Variants in CYP20A1 observed in about 807,000 individuals in gnomAD.
CYP20A1 encodes cytochrome P450 20A1.
A neutral mutation model predicts 61.4 loss-of-function variants in CYP20A1; 61 were observed. The ratio of observed to expected loss-of-function variants is 0.99; its 90% CI spans 0.81 to 1.23. The LOEUF (loss-of-function observed/expected upper bound fraction) is 1.23. Among genes scored for constraint, CYP20A1 ranks in the 50% most tolerant of loss-of-function variants. CYP20A1 has a pLI of 0.00. For missense variants in CYP20A1, 530 were observed against 542.4 expected, an observed-to-expected ratio of 0.98 and a Z score of 0.23; for synonymous variants, 193 against 188.2, an observed-to-expected ratio of 1.03 and a Z score of -0.21.
intron 6 of CYP20A1, among the ~76,000 whole-genome samples, chr2:203,274,160 T>C (rs903872833): frequency 2.6e-5 from 4 of 151,270 alleles, no homozygotes; most frequent in Admixed American, 2.0e-4. Flanking sequence ...TGAATAATTA[T>C]AAAGCTTTAA....
intron 5 of CYP20A1, among the ~76,000 whole-genome samples, chr2:203,270,978 C>G (rs551964363): frequency 1.4e-5 from 2 of 140,088 alleles, no homozygotes; most frequent in Non-Finnish European, 3.0e-5. Context: ...TGGGTGTGAG[C>G]CACTCCACTC....
chr2:203,244,890 G>A (rs1436316131), intron 1 of CYP20A1, among the ~76,000 whole-genome samples: 1 of 151,720 alleles, frequency 6.6e-6, no homozygotes, highest in African/African-American at 2.4e-5. Flanking sequence ...CCGCCACAAC[G>A]CCCTGCTAAT....
At chr2:203,274,182 A>T (rs1038973251) in intron 6 of CYP20A1, among the ~76,000 whole-genome samples, 19 of 151,404 alleles carry the variant, frequency 1.3e-4, no homozygotes, top group African/African-American at 3.2e-4. Flanking sequence ...ACTTTTTTTT[A>T]AAATAATTTT....
rs1268790496 is a variant in CYP20A1 at position 203,266,647 on chromosome 2, AG to A, written c.568del (p.Glu190LysfsTer21). ...ATGGGTAGTACATTTGAAGATGATC[AG>A]GAAGTCATTCGCTTCCAGAAGAATC... The part of the protein sequence containing the change: ...MVMGSTFEDD[Q>X]EVIRFQKNHG... On this transcript the variant is annotated frameshift_variant, in exon 5 of 13. Transcript: ENST00000356079. LOFTEE classifies it high-confidence loss of function. 6.2e-7 allele frequency: 1 copy of A among 1,613,932 alleles called. No homozygotes were observed. The highest frequency in any genetic ancestry group is 8.5e-7 in the Non-Finnish European group (1 of 1,179,954).
chr2:203,242,818 G>T (rs1331382636), intron 1 of CYP20A1, among the ~76,000 whole-genome samples: 1 of 151,828 alleles, frequency 6.6e-6, no homozygotes, highest in Non-Finnish European at 1.5e-5. Context: ...AGGTTGCATG[G>T]TCTGTTACTA....
At chr2:203,250,718 G>T (rs1440132341) in intron 3 of CYP20A1, among the ~76,000 whole-genome samples, 4 of 152,182 alleles carry the variant, frequency 2.6e-5, no homozygotes, top group Non-Finnish European at 4.4e-5. Flanking sequence ...AGAGGAGAAT[G>T]TAGTTCTTTG....
chr2:203,252,235 G>A, intron 4 of CYP20A1, 126 bp downstream of exon 4: 1 of 691,726 alleles, frequency 1.4e-6, no homozygotes, highest in Non-Finnish European at 2.1e-6. Flanking sequence ...ATTTTATTCT[G>A]AAATTAAAAA....
chr2:203,258,334 G>A (rs2067000700), intron 4 of CYP20A1, among the ~76,000 whole-genome samples: 1 of 151,182 alleles, frequency 6.6e-6, no homozygotes, highest in Non-Finnish European at 1.5e-5. Context: ...TGATAATTGT[G>A]CCTGTGAATA....
At chr2:203,271,337 C>T (rs2067590804) in intron 5 of CYP20A1, among the ~76,000 whole-genome samples, 1 of 151,696 alleles carries the variant, frequency 6.6e-6, no homozygotes, top group Admixed American at 6.6e-5. Context: ...ATCCGCCTGC[C>T]TCGGCCTCCC....
At chr2:203,273,783 A>G (rs1171614566) in intron 6 of CYP20A1, among the ~76,000 whole-genome samples, 1 of 152,034 alleles carries the variant, frequency 6.6e-6, no homozygotes, top group Non-Finnish European at 1.5e-5. Context: ...ACCTCTACTA[A>G]AAAAATACAA....
intron 6 of CYP20A1, among the ~76,000 whole-genome samples, chr2:203,276,185 G>A (rs977211733): frequency 5.9e-5 from 9 of 152,170 alleles, no homozygotes; most frequent in African/African-American, 1.9e-4. Flanking sequence ...TGTATTTGAA[G>A]TACAACAGGA....
chr2:203,266,384 G>A (rs764805593), intron 4 of CYP20A1, 130 bp from the exon 5 acceptor site: 211 of 749,254 alleles, frequency 2.8e-4, no homozygotes, highest in Non-Finnish European at 4.2e-4. Context: ...TAGTCTGACA[G>A]ATTCGTACCT....
At chr2:203,288,077 T>C (rs1352071667) in intron 9 of CYP20A1, among the ~76,000 whole-genome samples, 1 of 144,212 alleles carries the variant, frequency 6.9e-6, no homozygotes, top group African/African-American at 2.6e-5. Flanking sequence ...TTTTTTTTTT[T>C]TTTTTTCAGA....
rs1575294298 is a variant in CYP20A1, at chr2:203,300,889, C to A, written c.*3981C>A. Among the ~76,000 whole-genome samples, 7 of 64,746 alleles carry A rather than the reference C, an allele frequency of 1.1e-4. No individual in the cohort carries two copies. The highest frequency in any genetic ancestry group is 3.2e-4 in the African/African-American group (5 of 15,474). 42.5% of individuals were successfully genotyped at this position (64,746 alleles called of 152,430 possible). A position where few individuals can be genotyped will look rare whatever the true frequency, so the allele number is the denominator to read the frequency against. On this transcript the variant is annotated 3_prime_UTR_variant, in exon 13 of 13. Coordinates refer to ENST00000356079, the MANE Select transcript of CYP20A1 (RefSeq NM_177538.3). ...GGGCAATAAGAGCAAAACTCCGTCTCAGAAAAAAAAAAAAAAAAAAAAAAC... is the reference window on the plus strand; with the variant it reads ...GGGCAATAAGAGCAAAACTCCGTCTAAGAAAAAAAAAAAAAAAAAAAAAAC...
In CYP20A1 at chr2:203,251,972, C is replaced by A; in HGVS notation, c.295C>A (p.Pro99Thr). The A allele has an allele frequency of 6.5e-7, 1 of 1,546,032 alleles. No individual in the cohort carries two copies. The highest frequency in any genetic ancestry group is 2.4e-5 in the East Asian group (1 of 41,804). ...ATTTAATTTGTCTGTTTCAGCGGAC[C>A]CTTTTGAAACCATGCTGAAGTCATT... ...QHINPNKTSD[P>T]FETMLKSLLR... is the part of the protein sequence containing the mutation. The change falls in exon 4 of 13, where the codon CCT becomes ACT. Residue 99 changes from proline (P) to threonine (T), a missense_variant. Coordinates refer to ENST00000356079, the MANE Select transcript of CYP20A1 (RefSeq NM_177538.3).
chr2:203,296,466 CT>C lies in CYP20A1; in HGVS notation c.1149-5del. On this transcript the variant is annotated splice_region_variant and splice_polypyrimidine_tract_variant and intron_variant, in intron 11 of 12. Transcript: ENST00000356079. The stretch of plus-strand genomic sequence containing the variant: ...TATATTGTGATTAACCTCAAATTTT[CT>C]TTGTAGGTTTGATCCAGATCGGTTT... The C allele has an allele frequency of 6.3e-7, 1 of 1,597,808 alleles. No individual in the cohort carries two copies.
At chr2:203,267,521 T>G in intron 5 of CYP20A1, among the ~76,000 whole-genome samples, 1 of 141,370 alleles carries the variant, frequency 7.1e-6, no homozygotes, top group African/African-American at 2.7e-5. Flanking sequence ...GGTGATGGAG[T>G]GAGACTCTTG....
At chr2:203,265,464 CT>C (rs1161882811) in intron 4 of CYP20A1, among the ~76,000 whole-genome samples, 2 of 152,122 alleles carry the variant, frequency 1.3e-5, no homozygotes, top group Non-Finnish European at 2.9e-5. Flanking sequence ...CACCTTTATA[CT>C]TTGATTTTGT....
At chr2:203,244,491 G>A (rs575512243) in intron 1 of CYP20A1, among the ~76,000 whole-genome samples, 113 of 151,532 alleles carry the variant, frequency 7.5e-4, no homozygotes, top group Non-Finnish European at 9.4e-4. Context: ...GAGCCACTGC[G>A]CCCGGCCCAG....
Sources: gnomAD v4.1 joint callset for allele counts (sites outside exome capture counted in the v4.1 genomes callset) on GRCh38, gnomAD v4.1.1 for gene constraint, MANE v1.5 for transcripts, NCBI Gene and HGNC (gene_info 2026-07-23, HGNC 2026-07-21) for gene names.